The following LRP1B variants were observed in gnomAD, a reference collection of about 807,000 sequenced individuals.
The protein encoded by LRP1B is low-density lipoprotein receptor-related protein 1B.
Under a neutral mutation model 556.6 loss-of-function variants are expected in LRP1B, and 217 were observed. The ratio of observed to expected loss-of-function variants is 0.39; its 90% CI spans 0.35 to 0.44. The LOEUF (loss-of-function observed/expected upper bound fraction) is 0.44. Among genes scored for constraint, LRP1B ranks in the 20% least tolerant of loss-of-function variants. LRP1B has a pLI of 1.00. For missense variants in LRP1B, 5,053 were observed against 5,620.8 expected (o/e 0.90, Z 3.23); for synonymous variants, 2,047 against 1,865.8 (o/e 1.10, Z -2.50).
In LRP1B at chr2:141,541,342, A is replaced by G. The variant is rs529885737; in HGVS notation, c.206-60809T>C. Among the ~76,000 whole-genome samples, 9 of 152,168 alleles carry G rather than the reference A, an allele frequency of 5.9e-5. No individual in the cohort carries two copies. The East Asian group carries it at 1.5e-3, about 26-fold the overall frequency. On this transcript the variant is annotated intron_variant, in intron 2 of 90. Coordinates refer to ENST00000389484, the MANE Select transcript of LRP1B (RefSeq NM_018557.3). ...TTTAAACATGCTTTGGAAGAATAAGACAGATGAAATTATTCTGCCTGTAGC... is the reference window on the plus strand; with the variant it reads ...TTTAAACATGCTTTGGAAGAATAAGGCAGATGAAATTATTCTGCCTGTAGC...
chr2:141,843,769 C>T (rs1208246191), intron 1 of LRP1B, among the ~76,000 whole-genome samples: 1 of 152,128 alleles, frequency 6.6e-6, no homozygotes, highest in Non-Finnish European at 1.5e-5. Context: ...AATTATTGCA[C>T]AGGGCCTTCT....
At chr2:140,799,077 C>T (rs1690416858) in intron 32 of LRP1B, among the ~76,000 whole-genome samples, 1 of 151,902 alleles carries the variant, frequency 6.6e-6, no homozygotes, top group Non-Finnish European at 1.5e-5. Flanking sequence ...TAAATAAACG[C>T]ATATATATGA....
chr2:141,865,420 G>T (rs1031013389), intron 1 of LRP1B, among the ~76,000 whole-genome samples: 1 of 150,810 alleles, frequency 6.6e-6, no homozygotes, highest in Non-Finnish European at 1.5e-5. Context: ...GTGAAACCCC[G>T]TCTCTACTAA....
intron 1 of LRP1B, among the ~76,000 whole-genome samples, chr2:141,987,818 C>A (rs1417652229): frequency 1.3e-5 from 2 of 151,804 alleles, no homozygotes; most frequent in African/African-American, 4.8e-5. Flanking sequence ...ATTAGCACTA[C>A]CAGTATTTTC....
chr2:140,948,058 T>C (rs1695594006), intron 20 of LRP1B, among the ~76,000 whole-genome samples: 1 of 152,118 alleles, frequency 6.6e-6, no homozygotes, highest in African/African-American at 2.4e-5. Flanking sequence ...GCCACTAACT[T>C]TGGACACTCA....
chr2:140,323,861 A>C (rs752230016), intron 81 of LRP1B, 32 bp downstream of exon 81: 2 of 1,107,666 alleles, frequency 1.8e-6, no homozygotes, highest in African/African-American at 1.6e-5. Flanking sequence ...TAATTTACCA[A>C]TATAGACAAC....
At chr2:141,508,500 A>T (rs1032393658) in intron 2 of LRP1B, among the ~76,000 whole-genome samples, 1 of 152,184 alleles carries the variant, frequency 6.6e-6, no homozygotes, top group Non-Finnish European at 1.5e-5. Flanking sequence ...ACTTACACTT[A>T]GCCTAGCTAG....
intron 7 of LRP1B, among the ~76,000 whole-genome samples, chr2:141,091,010 G>A (rs1700158602): frequency 6.6e-6 from 1 of 152,188 alleles, no homozygotes; most frequent in East Asian, 1.9e-4. Flanking sequence ...AGTAAAAAAA[G>A]GCAAGTCAAT....
chr2:140,996,796 A>C (rs1054291880), intron 15 of LRP1B, among the ~76,000 whole-genome samples: 2 of 151,976 alleles, frequency 1.3e-5, no homozygotes, highest in African/African-American at 2.4e-5. Context: ...AAAAAGATAA[A>C]AGATAAAGAC....
At chr2:140,775,051 AT>A (rs1689444180) in intron 33 of LRP1B, among the ~76,000 whole-genome samples, 1 of 152,100 alleles carries the variant, frequency 6.6e-6, no homozygotes, top group African/African-American at 2.4e-5. Context: ...GTTTAAAGCA[AT>A]TTTTTATTCT....
At chr2:140,543,140 T>C (rs920374620) in intron 43 of LRP1B, among the ~76,000 whole-genome samples, 1 of 152,116 alleles carries the variant, frequency 6.6e-6, no homozygotes, top group Non-Finnish European at 1.5e-5. Context: ...TGTTTCAAAC[T>C]AGCTTAACTG....
At chr2:140,998,565 G>A (rs1296841152) in intron 15 of LRP1B, among the ~76,000 whole-genome samples, 1 of 152,008 alleles carries the variant, frequency 6.6e-6, no homozygotes, top group Non-Finnish European at 1.5e-5. Context: ...TTCTAGTTGT[G>A]AGAGGATTTG....
chr2:141,775,842 C>CTTTTTTT (rs770939865), intron 2 of LRP1B, among the ~76,000 whole-genome samples: 1 of 134,530 alleles, frequency 7.4e-6, no homozygotes, highest in Non-Finnish European at 1.6e-5. Context: ...TCAGGTTTTC[C>CTTTTTTT]TTTTTTTTTT....
intron 7 of LRP1B, among the ~76,000 whole-genome samples, chr2:141,143,363 A>C (rs1701705873): frequency 6.6e-6 from 1 of 151,672 alleles, no homozygotes; most frequent in Admixed American, 6.6e-5. Context: ...CCATAGATTT[A>C]CCTCCTCCCT....
At chr2:141,289,228 CA>C (rs994194178) in intron 3 of LRP1B, among the ~76,000 whole-genome samples, 1 of 150,472 alleles carries the variant, frequency 6.6e-6, no homozygotes, top group Non-Finnish European at 1.5e-5. Flanking sequence ...ACTAAAAATA[CA>C]AAAAAAATTA....
chr2:141,233,243 C>T (rs1474006850), intron 5 of LRP1B, among the ~76,000 whole-genome samples: 2 of 152,174 alleles, frequency 1.3e-5, no homozygotes, highest in Non-Finnish European at 1.5e-5. Flanking sequence ...CACAAACAAG[C>T]ACACAGGTGA....
intron 1 of LRP1B, among the ~76,000 whole-genome samples, chr2:142,122,984 A>G (rs1215192902): frequency 6.6e-6 from 1 of 152,072 alleles, no homozygotes; most frequent in African/African-American, 2.4e-5. Context: ...TAGCTCAGCT[A>G]CTTGATCTGA....
chr2:142,027,114 G>C (rs1703533514), intron 1 of LRP1B, among the ~76,000 whole-genome samples: 1 of 151,942 alleles, frequency 6.6e-6, no homozygotes, highest in Non-Finnish European at 1.5e-5. Context: ...TGCGCTTTGT[G>C]GGTGCATTGT....
intron 1 of LRP1B, among the ~76,000 whole-genome samples, chr2:142,063,117 C>G (rs1029832889): frequency 4.7e-5 from 7 of 148,870 alleles, no homozygotes; most frequent in Non-Finnish European, 8.9e-5. Context: ...TCTAAAAAAT[C>G]CATTTATTGA....
Sources: gnomAD v4.1 joint callset for allele counts (sites outside exome capture counted in the v4.1 genomes callset) on GRCh38, gnomAD v4.1.1 for gene constraint, MANE v1.5 for transcripts, NCBI Gene and HGNC (gene_info 2026-07-23, HGNC 2026-07-21) for gene names.